RCAN2: variants seen among roughly 807,000 people sequenced by gnomAD.
RCAN2 encodes calcipressin-2.
Under a neutral mutation model 23.6 loss-of-function variants are expected in RCAN2, and 9 were observed. That is an observed-to-expected ratio of 0.38 (90% CI 0.23 to 0.67). RCAN2 has a LOEUF of 0.67. Ranked by LOEUF, RCAN2 falls within the 30% of genes least tolerant of loss-of-function variation. The probability of loss-of-function intolerance (pLI) is 0.51; values close to 1 mark genes in which losing one functional copy is unlikely to be tolerated. For synonymous variants in RCAN2, 109 were observed against 115.7 expected (o/e 0.94, Z 0.37); for missense variants, 273 against 302.3 (o/e 0.90, Z 0.72).
At chr6:46,315,681 C>T (rs751931619) in intron 2 of RCAN2, among the ~76,000 whole-genome samples, 1 of 152,054 alleles carries the variant, frequency 6.6e-6, no homozygotes, top group Non-Finnish European at 1.5e-5. Flanking sequence ...GCCACGGAGT[C>T]TCTAAATTCT....
intron 2 of RCAN2, among the ~76,000 whole-genome samples, chr6:46,317,139 C>G (rs1373123840): frequency 1.3e-5 from 2 of 152,138 alleles, no homozygotes; most frequent in African/African-American, 4.8e-5. Flanking sequence ...AGCTGTCAAA[C>G]CAGGCGCATG....
chr6:46,345,460 C>G (rs939618028), intron 2 of RCAN2, among the ~76,000 whole-genome samples: 2 of 152,048 alleles, frequency 1.3e-5, no homozygotes, highest in African/African-American at 4.8e-5. Context: ...CAGATGTACA[C>G]AGGTGTATAC....
intron 1 of RCAN2, among the ~76,000 whole-genome samples, chr6:46,459,741 C>T (rs1217384278): frequency 6.6e-6 from 1 of 152,154 alleles, no homozygotes. Flanking sequence ...CATTGAACTG[C>T]CTCCTTCTGC....
In RCAN2 at chr6:46,369,116, A is replaced by G. The variant is rs74807172; in HGVS notation, c.225+87636T>C. On this transcript the variant is annotated intron_variant, in intron 2 of 4. Coordinates refer to ENST00000371374, the MANE Select transcript of RCAN2 (RefSeq NM_001251974.2). The stretch of plus-strand genomic sequence containing the variant: ...TTTTTAGCTAAAAACTAAGACACAA[A>G]CACACATTAGCCTAGGTCTCACAGT... 6.5e-3 allele frequency among the ~76,000 whole-genome samples: 994 copies of G among 152,172 alleles called. 14 individuals are homozygous for G. Among genetic ancestry groups the G allele is most frequent in the African/African-American group, 0.023 (943 of 41,514 alleles).
At chr6:46,445,918 A>G (rs1439592452) in intron 2 of RCAN2, among the ~76,000 whole-genome samples, 1 of 152,130 alleles carries the variant, frequency 6.6e-6, no homozygotes, top group Non-Finnish European at 1.5e-5. Flanking sequence ...AGCTTATGGG[A>G]TTTATAGGAC....
At chr6:46,276,623 T>A (rs115998002) in intron 2 of RCAN2, among the ~76,000 whole-genome samples, 1 of 152,182 alleles carries the variant, frequency 6.6e-6, no homozygotes, top group Admixed American at 6.5e-5. Flanking sequence ...AAATGCTACT[T>A]TGGGGAATAT....
chr6:46,389,696 A>G (rs141064515), intron 2 of RCAN2, among the ~76,000 whole-genome samples: 10 of 152,244 alleles, frequency 6.6e-5, no homozygotes, highest in Admixed American at 1.3e-4. Flanking sequence ...AAAGTCGTAG[A>G]GGCCTTATAG....
intron 2 of RCAN2, among the ~76,000 whole-genome samples, chr6:46,342,361 G>A (rs547045067): frequency 6.6e-6 from 1 of 151,886 alleles, no homozygotes; most frequent in Admixed American, 6.6e-5. Flanking sequence ...GATGTAGAAT[G>A]CCAGTGGTGG....
intron 2 of RCAN2, among the ~76,000 whole-genome samples, chr6:46,352,600 A>G (rs1475219968): frequency 6.6e-6 from 1 of 152,132 alleles, no homozygotes; most frequent in Non-Finnish European, 1.5e-5. Context: ...CCTCTCCTCA[A>G]AATATTAGGT....
chr6:46,297,176 A>G (rs1016271002), intron 2 of RCAN2, among the ~76,000 whole-genome samples: 19 of 152,084 alleles, frequency 1.2e-4, no homozygotes, highest in African/African-American at 4.3e-4. Context: ...TTTTCACTGC[A>G]GCAGGTACCC....
intron 2 of RCAN2, among the ~76,000 whole-genome samples, chr6:46,287,005 C>CA (rs1346419245): frequency 0.018 from 2,526 of 139,644 alleles, 52 homozygotes; most frequent in African/African-American, 0.051. Flanking sequence ...AACTCTATCT[C>CA]AAAAAAAAAA....
At chr6:46,472,098 A>G (rs1382341250) in intron 1 of RCAN2, among the ~76,000 whole-genome samples, 1 of 152,172 alleles carries the variant, frequency 6.6e-6, no homozygotes, top group East Asian at 1.9e-4. Flanking sequence ...TTGTATTCCA[A>G]CCTGGAATTC....
intron 2 of RCAN2, among the ~76,000 whole-genome samples, chr6:46,290,138 G>GA (rs537517550): frequency 1.7e-3 from 248 of 146,000 alleles, no homozygotes; most frequent in South Asian, 5.4e-3. Context: ...CAGTGATGCA[G>GA]AAAAAAAAAA....
intron 2 of RCAN2, among the ~76,000 whole-genome samples, chr6:46,440,310 T>C (rs1382123402): frequency 2.0e-5 from 3 of 152,196 alleles, no homozygotes; most frequent in African/African-American, 4.8e-5. Flanking sequence ...CTGGAAGATG[T>C]TGTTGTCAAT....
At chr6:46,426,532 CT>C (rs1767037186) in intron 2 of RCAN2, among the ~76,000 whole-genome samples, 1 of 152,156 alleles carries the variant, frequency 6.6e-6, no homozygotes, top group South Asian at 2.1e-4. Flanking sequence ...CAGCTGAACA[CT>C]GTATTCCATA....
intron 2 of RCAN2, among the ~76,000 whole-genome samples, chr6:46,259,208 AC>A (rs1239866560): frequency 6.6e-6 from 1 of 152,082 alleles, no homozygotes; most frequent in Non-Finnish European, 1.5e-5. Flanking sequence ...AAAACAAAAC[AC>A]AAAAAAAGCA....
Position 46,447,373 on chromosome 6 carries a change from G to A in RCAN2, c.225+9379C>T, listed in dbSNP as rs148712120. On this transcript the variant is annotated intron_variant, in intron 2 of 4. Transcript: ENST00000371374. ...AGAGAATAGAGAGAGAGAATAGAGA[G>A]AGAGACTGTAACACAATAATGGTAG... 3.1e-3 allele frequency among the ~76,000 whole-genome samples: 474 copies of A among 151,908 alleles called. 1 individual carries two copies. Among genetic ancestry groups the A allele is most frequent in the Non-Finnish European group, 4.8e-3 (327 of 67,792 alleles).
intron 2 of RCAN2, among the ~76,000 whole-genome samples, chr6:46,355,611 A>G (rs183955939): frequency 2.6e-5 from 4 of 152,342 alleles, no homozygotes; most frequent in Admixed American, 6.5e-5. Context: ...ACTAGGCAAT[A>G]TATCACCCAA....
chr6:46,435,457 C>T (rs1010522951), intron 2 of RCAN2, among the ~76,000 whole-genome samples: 3 of 152,256 alleles, frequency 2.0e-5, no homozygotes, highest in Admixed American at 6.5e-5. Context: ...ATTTTAAAAA[C>T]CATATTCAGA....
Sources: gnomAD v4.1 joint callset for allele counts (sites outside exome capture counted in the v4.1 genomes callset) on GRCh38, gnomAD v4.1.1 for gene constraint, MANE v1.5 for transcripts, NCBI Gene and HGNC (gene_info 2026-07-23, HGNC 2026-07-21) for gene names.